The following TXNRD1 variants were observed in gnomAD, a reference collection of about 807,000 sequenced individuals.
TXNRD1 encodes thioredoxin reductase 1, also known as thioredoxin reductase 1, cytoplasmic.
TXNRD1 carries 57 observed loss-of-function variants against 80.3 expected under a neutral mutation model. The observed-to-expected ratio is 0.71, with a 90% CI of 0.57 to 0.89. TXNRD1 has a LOEUF of 0.89. Among genes scored for constraint, TXNRD1 ranks in the 40% least tolerant of loss-of-function variants. The pLI, the probability that TXNRD1 is intolerant of heterozygous loss-of-function variation, is 0.00. For synonymous variants in TXNRD1, 291 were observed against 285.2 expected (o/e 1.02, Z -0.20); for missense variants, 730 against 803.0 (o/e 0.91, Z 1.10).
At chr12:104,257,163 T>C (rs2135710117) in intron 2 of TXNRD1, among the ~76,000 whole-genome samples, 1 of 151,990 alleles carries the variant, frequency 6.6e-6, no homozygotes, top group South Asian at 2.1e-4. Flanking sequence ...TGTTATCTAG[T>C]AGTATAAGTA....
In TXNRD1 at chr12:104,321,085, C is replaced by A. The variant is rs931933593; in HGVS notation, c.990-6C>A. 5 of 1,544,884 alleles carry A rather than the reference C, an allele frequency of 3.2e-6. No homozygotes were observed. Among genetic ancestry groups the A allele is most frequent in the Non-Finnish European group, 3.5e-6 (4 of 1,135,004 alleles). On this transcript the variant is annotated splice_polypyrimidine_tract_variant and splice_region_variant and intron_variant, in intron 9 of 16. Transcript: ENST00000525566. ...TCTTTCTTCCTTTTTTTTTTTTTTC[C>A]CCCAGTGATGATCTTTTCTCCTTGC... is the stretch of plus-strand genomic sequence containing the variant.
At chr12:104,335,202 T>G (rs35322958) in intron 15 of TXNRD1, among the ~76,000 whole-genome samples, 1 of 2,030 alleles carries the variant, frequency 4.9e-4, no homozygotes, top group African/African-American at 0.016. Flanking sequence ...TTACAGTCCT[T>G]TTTTTTTTTT....
intron 3 of TXNRD1, among the ~76,000 whole-genome samples, chr12:104,271,272 G>T (rs1218731965): frequency 6.9e-6 from 1 of 145,340 alleles, no homozygotes; most frequent in South Asian, 2.2e-4. Context: ...TGCAAGCTCC[G>T]CCTCCCAGGT....
chr12:104,247,447 A>G (rs2033019292), intron 1 of TXNRD1, among the ~76,000 whole-genome samples: 1 of 152,180 alleles, frequency 6.6e-6, no homozygotes. Context: ...ATTTCTTTGA[A>G]TGCTGCTTCA....
chr12:104,237,751 A>G (rs1422648556), intron 1 of TXNRD1, among the ~76,000 whole-genome samples: 1 of 152,244 alleles, frequency 6.6e-6, no homozygotes, highest in Non-Finnish European at 1.5e-5. Flanking sequence ...GTGGTGGCTC[A>G]TGCCTGTAAT....
chr12:104,264,098 A>G (rs2033424046), intron 3 of TXNRD1, among the ~76,000 whole-genome samples: 1 of 152,226 alleles, frequency 6.6e-6, no homozygotes, highest in African/African-American at 2.4e-5. Context: ...TTTGGTATTG[A>G]TACTTACTCA....
intron 14 of TXNRD1, among the ~76,000 whole-genome samples, chr12:104,333,619 G>A (rs1223824295): frequency 6.6e-6 from 1 of 151,876 alleles, no homozygotes; most frequent in African/African-American, 2.4e-5. Flanking sequence ...ATCATGTTTT[G>A]AACTGAGGCT....
intron 3 of TXNRD1, among the ~76,000 whole-genome samples, chr12:104,272,803 A>G (rs2033679210): frequency 6.6e-6 from 1 of 151,012 alleles, no homozygotes; most frequent in Admixed American, 6.6e-5. Flanking sequence ...AAAAAAAAAA[A>G]GAAAAGAAAA....
chr12:104,237,794 C>T (rs2032770333), intron 1 of TXNRD1, among the ~76,000 whole-genome samples: 1 of 152,128 alleles, frequency 6.6e-6, no homozygotes, highest in African/African-American at 2.4e-5. Flanking sequence ...GCAGGCGGAT[C>T]ATGAGATCAG....
At chr12:104,304,073 C>A in intron 4 of TXNRD1, 1 of 1,613,922 alleles carries the variant, frequency 6.2e-7, no homozygotes, top group East Asian at 2.2e-5. Context: ...GTACCGGCAG[C>A]TCATGTACTG....
At chr12:104,218,073 G>A (rs1287440834) in intron 1 of TXNRD1, among the ~76,000 whole-genome samples, 1 of 151,704 alleles carries the variant, frequency 6.6e-6, no homozygotes, top group Non-Finnish European at 1.5e-5. Flanking sequence ...CTATCGCCAG[G>A]CTGGAGTGCC....
chr12:104,281,649 G>A lies in TXNRD1; in HGVS notation c.305-7282G>A, dbSNP rs529483861. 1.3e-4 allele frequency among the ~76,000 whole-genome samples: 19 copies of A among 151,568 alleles called. No homozygotes were observed. In the East Asian group the frequency reaches 1.6e-3, roughly 12 times the overall value. On this transcript the variant is annotated intron_variant, in intron 3 of 16. Transcript: ENST00000525566. ...TCTCAATCTCCTGACCTCGTGATCC[G>A]CCCGCCTCAGCCTCCTGAAGTGCTG...
chr12:104,238,553 A>G (rs1329040590), intron 1 of TXNRD1, among the ~76,000 whole-genome samples: 2 of 152,210 alleles, frequency 1.3e-5, no homozygotes, highest in African/African-American at 4.8e-5. Context: ...CAGGTAGAAA[A>G]GTTTCCTTTT....
Position 104,318,982 on chromosome 12 carries a change from G to A in TXNRD1, c.800G>A (p.Arg267Gln), listed in dbSNP as rs189358801. The A allele has an allele frequency of 2.6e-5, 42 of 1,613,914 alleles. No homozygotes were observed. Among genetic ancestry groups the A allele is most frequent in the Admixed American group, 1.7e-4 (10 of 60,018 alleles). Residue 267 changes from arginine (R) to glutamine (Q), a missense_variant, in exon 8 of 17, where the codon CGA becomes CAA. Transcript: ENST00000525566. ...NHIGSLNWGYRVALREKKVVY... is the reference protein window; with the variant it reads ...NHIGSLNWGYQVALREKKVVY... Reference sequence around the variant, plus strand: ...ATTGGCTCTTTGAATTGGGGCTACCGAGTAGCTCTGCGGGAGAAAAAAGTC... The same window carrying A: ...ATTGGCTCTTTGAATTGGGGCTACCAAGTAGCTCTGCGGGAGAAAAAAGTC...
chr12:104,304,184 A>G (rs761781785), intron 4 of TXNRD1: 1 of 1,614,096 alleles, frequency 6.2e-7, no homozygotes, highest in Non-Finnish European at 8.5e-7. Flanking sequence ...GAGCCGAACC[A>G]GAGAAGCAGC....
At position 104,349,788 on chromosome 12, in the gene TXNRD1, T is replaced by G. The variant is rs2036592513; in HGVS notation, c.*1367T>G. 6.6e-6 allele frequency: 1 copy of G among 152,558 alleles called. No homozygotes were observed. The highest frequency in any genetic ancestry group is 2.1e-4 in the South Asian group (1 of 4,808). 9.5% of individuals were successfully genotyped at this position (152,558 alleles called of 1,614,324 possible). A position where few individuals can be genotyped will look rare whatever the true frequency, so the allele number is the denominator to read the frequency against. The stretch of plus-strand genomic sequence containing the variant: ...TCTTTTTCATTCCTGCTACTCTACC[T>G]GTATTTCTCAGTTGCAGCACTGAGT... On this transcript the variant is annotated 3_prime_UTR_variant, in exon 17 of 17. Transcript: ENST00000525566.
chr12:104,229,558 AC>A (rs1217192678), intron 1 of TXNRD1, among the ~76,000 whole-genome samples: 5 of 150,504 alleles, frequency 3.3e-5, no homozygotes, highest in Non-Finnish European at 5.9e-5. Flanking sequence ...GTATGAATAT[AC>A]AACATTTTAT....
At chr12:104,248,905 C>G (rs746982859) in intron 1 of TXNRD1, among the ~76,000 whole-genome samples, 1 of 152,086 alleles carries the variant, frequency 6.6e-6, no homozygotes, top group Non-Finnish European at 1.5e-5. Context: ...CTGCAACCTC[C>G]CCCGCCCAGG....
chr12:104,256,728 C>T (rs1457440665), intron 2 of TXNRD1, among the ~76,000 whole-genome samples: 1 of 139,734 alleles, frequency 7.2e-6, no homozygotes, highest in Non-Finnish European at 1.5e-5. Flanking sequence ...TGCAGTGAGC[C>T]GAGATAGTGC....
Sources: gnomAD v4.1 joint callset for allele counts (sites outside exome capture counted in the v4.1 genomes callset) on GRCh38, gnomAD v4.1.1 for gene constraint, MANE v1.5 for transcripts, NCBI Gene and HGNC (gene_info 2026-07-23, HGNC 2026-07-21) for gene names.